The following AGAP1 variants were observed in gnomAD, a reference collection of about 807,000 sequenced individuals.
The protein encoded by AGAP1 is arf-GAP with GTPase, ANK repeat and PH domain-containing protein 1.
Under a neutral mutation model 105.3 loss-of-function variants are expected in AGAP1, and 29 were observed. The observed-to-expected ratio is 0.28, with a 90% CI of 0.21 to 0.38. AGAP1 has a LOEUF of 0.38. Ranked by LOEUF, AGAP1 falls within the 10% of genes least tolerant of loss-of-function variation. The probability of loss-of-function intolerance (pLI) is 1.00; values close to 1 mark genes in which losing one functional copy is unlikely to be tolerated. For missense variants in AGAP1, 998 were observed against 1,165.1 expected, an observed-to-expected ratio of 0.86 and a Z score of 2.09; for synonymous variants, 509 against 485.9, an observed-to-expected ratio of 1.05 and a Z score of -0.63.
Position 235,662,762 on chromosome 2 carries a change from C to T in AGAP1, c.164-46417C>T, listed in dbSNP as rs140785961. On this transcript the variant is annotated intron_variant, in intron 1 of 17. Transcript: ENST00000304032. The surrounding 1 kb of genome is among the most constrained non-coding windows in gnomAD (Gnocchi z 4.2). Reference sequence around the variant, plus strand: ...GCTGCAGGAGTTGGGGTTTTCTGGGCTCACACCCAGCCTGTGTCCCTCATC... The same window carrying T: ...GCTGCAGGAGTTGGGGTTTTCTGGGTTCACACCCAGCCTGTGTCCCTCATC... 2.1e-4 allele frequency among the ~76,000 whole-genome samples: 32 copies of T among 152,296 alleles called. No individual in the cohort carries two copies. Among genetic ancestry groups the T allele is most frequent in the African/African-American group, 7.5e-4 (31 of 41,566 alleles).
chr2:235,538,025 G>A (rs1419577591), intron 1 of AGAP1, among the ~76,000 whole-genome samples: 1 of 152,154 alleles, frequency 6.6e-6, no homozygotes, highest in African/African-American at 2.4e-5. Context: ...GCTAATATGC[G>A]TGGTAGAGCC....
At chr2:236,068,155 C>T (rs1035531730) in intron 16 of AGAP1, among the ~76,000 whole-genome samples, 1 of 152,106 alleles carries the variant, frequency 6.6e-6, no homozygotes, top group African/African-American at 2.4e-5. Context: ...GCCTGTAATC[C>T]CAGCTACTCG....
chr2:235,742,004 C>T (rs1466840168), intron 4 of AGAP1, among the ~76,000 whole-genome samples: 1 of 152,110 alleles, frequency 6.6e-6, no homozygotes, highest in Non-Finnish European at 1.5e-5. Flanking sequence ...CCACTCACCT[C>T]GGCCTCCCAA....
At chr2:236,086,851 C>A (rs1400959950) in intron 16 of AGAP1, among the ~76,000 whole-genome samples, 1 of 150,178 alleles carries the variant, frequency 6.7e-6, no homozygotes, top group Non-Finnish European at 1.5e-5. Context: ...TGTGCCTCTC[C>A]CCTCCCCCAC....
chr2:236,032,811 G>T (rs2057265401), intron 13 of AGAP1, among the ~76,000 whole-genome samples: 1 of 152,158 alleles, frequency 6.6e-6, no homozygotes. Context: ...AGGGGACCAG[G>T]TAAAGGATGC....
At chr2:236,013,040 C>T (rs866836093) in intron 13 of AGAP1, among the ~76,000 whole-genome samples, 3 of 152,080 alleles carry the variant, frequency 2.0e-5, no homozygotes, top group Non-Finnish European at 2.9e-5. Flanking sequence ...AGGACCTGGC[C>T]TATTTGTTGA....
At chr2:235,898,454 C>G (rs1170029611) in intron 10 of AGAP1, among the ~76,000 whole-genome samples, 1 of 151,328 alleles carries the variant, frequency 6.6e-6, no homozygotes, top group Non-Finnish European at 1.5e-5. Flanking sequence ...AAATGTCATG[C>G]GTTTGCAGAG....
rs1957476518 is a variant in AGAP1, at chr2:235,801,165, T to C, written c.957+1643T>C. 6.6e-6 allele frequency among the ~76,000 whole-genome samples: 1 copy of C among 152,154 alleles called. No homozygotes were observed. ...CATCAGCTCCCACAGAGGCCACTGC[T>C]GGGCAGCAGGGTGAGGACTGATCAG... On this transcript the variant is annotated intron_variant, in intron 8 of 17. Transcript: ENST00000304032. This position sits in a 1 kb window ranked among gnomAD's most constrained non-coding sequence, Gnocchi z 6.0.
chr2:235,703,356 G>A (rs1405908639), intron 1 of AGAP1, among the ~76,000 whole-genome samples: 1 of 152,048 alleles, frequency 6.6e-6, no homozygotes, highest in African/African-American at 2.4e-5. Flanking sequence ...GTCTCTGAGC[G>A]GGAGCATCCT....
rs1345178958 is a variant in AGAP1, at chr2:235,962,889, C to G, written c.1484-5573C>G. Among the ~76,000 whole-genome samples, 1 of 152,178 alleles carries G rather than the reference C, an allele frequency of 6.6e-6. No individual in the cohort carries two copies. Among genetic ancestry groups the G allele is most frequent in the African/African-American group, 2.4e-5 (1 of 41,442 alleles). ...CTACCATCTGATGCCTGTAGCACCT[C>G]CACTCCACCCAGTTTGATACCCAGA... On this transcript the variant is annotated intron_variant, in intron 12 of 17. Coordinates refer to ENST00000304032, the MANE Select transcript of AGAP1 (RefSeq NM_001037131.3). The surrounding 1 kb of genome is among the most constrained non-coding windows in gnomAD (Gnocchi z 5.3).
At chr2:235,523,464 T>C (rs1667290715) in intron 1 of AGAP1, among the ~76,000 whole-genome samples, 1 of 152,186 alleles carries the variant, frequency 6.6e-6, no homozygotes, top group South Asian at 2.1e-4. Flanking sequence ...CATCGGTGCC[T>C]GAGTCAAGGC....
chr2:235,534,804 G>A (rs910246821), intron 1 of AGAP1, among the ~76,000 whole-genome samples: 17 of 152,182 alleles, frequency 1.1e-4, no homozygotes, highest in South Asian at 2.1e-4. Context: ...ACGGCAGCCC[G>A]TGCAGGCGTC....
chr2:235,748,126 C>T (rs1035731732), intron 5 of AGAP1, among the ~76,000 whole-genome samples: 17 of 152,310 alleles, frequency 1.1e-4, no homozygotes, highest in Middle Eastern at 3.4e-3. Flanking sequence ...TAAAAAGCTA[C>T]GGAGTTAAAA....
intron 15 of AGAP1, 92 bp from the exon 16 acceptor site, chr2:236,048,967 T>C: frequency 1.6e-6 from 2 of 1,244,844 alleles, no homozygotes; most frequent in Non-Finnish European, 2.3e-6. Flanking sequence ...CGTTGTGAAG[T>C]TTGACTGATT....
rs544788009 is a variant in AGAP1 at position 235,739,691 on chromosome 2, C to T, written c.311-1272C>T. On this transcript the variant is annotated intron_variant, in intron 3 of 17. Transcript: ENST00000304032. The surrounding 1 kb of genome is among the most constrained non-coding windows in gnomAD (Gnocchi z 5.3). ...CGAGCATGGCAGGAGCTCGCGGGAA[C>T]GGGCCAACGCCCCACTGCCCCAGTC... is the stretch of plus-strand genomic sequence containing the variant. Among the ~76,000 whole-genome samples the T allele has an allele frequency of 2.0e-5, 3 of 152,374 alleles. No homozygotes were observed. The highest frequency in any genetic ancestry group is 4.8e-5 in the African/African-American group (2 of 41,592).
rs897963281 is a variant in AGAP1, at chr2:236,045,162, C to G, written c.1892-3897C>G. Among the ~76,000 whole-genome samples, 8 of 152,172 alleles carry G rather than the reference C, an allele frequency of 5.3e-5. No individual in the cohort carries two copies. The highest frequency in any genetic ancestry group is 1.0e-4 in the Non-Finnish European group (7 of 68,032). ...AACTCCTGGCCTTCGGCGATCCTCC[C>G]CCATTGACCTCCCAAAGTGCTGGGA... On this transcript the variant is annotated intron_variant, in intron 15 of 17. Coordinates refer to ENST00000304032, the MANE Select transcript of AGAP1 (RefSeq NM_001037131.3). This position sits in a 1 kb window ranked among gnomAD's most constrained non-coding sequence, Gnocchi z 6.9.
chr2:235,679,418 A>G (rs1212336104), intron 1 of AGAP1, among the ~76,000 whole-genome samples: 1 of 152,224 alleles, frequency 6.6e-6, no homozygotes, highest in Non-Finnish European at 1.5e-5. Flanking sequence ...AGTATAAGCC[A>G]ACCTTGTATT....
At chr2:235,699,598 G>A (rs947295781) in intron 1 of AGAP1, among the ~76,000 whole-genome samples, 2 of 152,180 alleles carry the variant, frequency 1.3e-5, no homozygotes, top group African/African-American at 4.8e-5. Context: ...AAAAAGTGAA[G>A]CACCACATCC....
At position 236,051,874 on chromosome 2, in the gene AGAP1, G is replaced by T. The variant is rs2057909926; in HGVS notation, c.2114+2593G>T. Among the ~76,000 whole-genome samples, 1 of 152,156 alleles carries T rather than the reference G, an allele frequency of 6.6e-6. No homozygotes were observed. The highest frequency in any genetic ancestry group is 1.5e-5 in the Non-Finnish European group (1 of 68,022). On this transcript the variant is annotated intron_variant, in intron 16 of 17. Coordinates refer to ENST00000304032, the MANE Select transcript of AGAP1 (RefSeq NM_001037131.3). This position sits in a 1 kb window ranked among gnomAD's most constrained non-coding sequence, Gnocchi z 5.9. The stretch of plus-strand genomic sequence containing the variant: ...CACTGTCCAAAGCAAAACACACCCA[G>T]CCCGATAACAGAGTAGAAATTCAGA...
Sources: gnomAD v4.1 joint callset for allele counts (sites outside exome capture counted in the v4.1 genomes callset) on GRCh38, gnomAD v4.1.1 for gene constraint, Gnocchi (gnomAD v3.1) non-coding constraint, MANE v1.5 for transcripts, NCBI Gene and HGNC (gene_info 2026-07-23, HGNC 2026-07-21) for gene names.